The following GRM1 variants were observed in gnomAD, a reference collection of about 807,000 sequenced individuals.
GRM1 encodes glutamate metabotropic receptor 1, also known as metabotropic glutamate receptor 1.
In GRM1, 33 loss-of-function variants were observed where a neutral mutation model predicts 90.9. The observed-to-expected ratio is 0.36, with a 90% CI of 0.28 to 0.49. The LOEUF (loss-of-function observed/expected upper bound fraction) is 0.49, where lower values mean the gene tolerates loss of function less well. GRM1 is among the 20% of genes least tolerant of loss of function. The pLI is 0.99. For synonymous variants in GRM1, 700 were observed against 613.2 expected (o/e 1.14, Z -2.09); for missense variants, 1,190 against 1,534.3 (o/e 0.78, Z 3.75).
At chr6:146,392,741 T>G (rs1404780376) in intron 6 of GRM1, among the ~76,000 whole-genome samples, 1 of 152,146 alleles carries the variant, frequency 6.6e-6, no homozygotes, top group Non-Finnish European at 1.5e-5. Context: ...TATGCCCATA[T>G]GTTCTCATTG....
chr6:146,405,273 C>T (rs377585727), intron 7 of GRM1, among the ~76,000 whole-genome samples: 66 of 151,956 alleles, frequency 4.3e-4, no homozygotes, highest in African/African-American at 1.5e-3. Flanking sequence ...ATTTAAAGTG[C>T]CCAAGAGGGT....
Position 146,362,924 on chromosome 6 carries a change from G to A in GRM1, c.1602+5230G>A, listed in dbSNP as rs1775544573. Among the ~76,000 whole-genome samples, 4 of 152,036 alleles carry A rather than the reference G, an allele frequency of 2.6e-5. No individual in the cohort carries two copies. The South Asian group carries it at 6.2e-4, about 24-fold the overall frequency. On this transcript the variant is annotated intron_variant, in intron 5 of 7. Transcript: ENST00000282753. ...CATGATCATTCTCATTACGACCTAA[G>A]ATACGCTTAAAAATGGATGGAACTA...
chr6:146,118,692 C>T (rs965107034), intron 1 of GRM1, among the ~76,000 whole-genome samples: 1 of 152,158 alleles, frequency 6.6e-6, no homozygotes, highest in African/African-American at 2.4e-5. Flanking sequence ...ACATGCGGTG[C>T]ATGGTTTTTG....
chr6:146,087,514 G>A (rs181302377), intron 1 of GRM1, among the ~76,000 whole-genome samples: 1 of 152,048 alleles, frequency 6.6e-6, no homozygotes, highest in East Asian at 1.9e-4. Context: ...GATTCATGTG[G>A]CCCTCACCAC....
intron 5 of GRM1, among the ~76,000 whole-genome samples, chr6:146,373,471 A>G (rs1407359148): frequency 6.6e-6 from 1 of 152,082 alleles, no homozygotes; most frequent in East Asian, 1.9e-4. Flanking sequence ...ATCGTGAGAC[A>G]GCACTAGGAG....
intron 1 of GRM1, among the ~76,000 whole-genome samples, chr6:146,037,643 T>G (rs1458236188): frequency 6.6e-6 from 1 of 151,946 alleles, no homozygotes; most frequent in Non-Finnish European, 1.5e-5. Context: ...CCTCTTAATG[T>G]CAGCTCTTAC....
intron 2 of GRM1, among the ~76,000 whole-genome samples, chr6:146,285,471 C>T (rs1782727221): frequency 6.6e-6 from 1 of 152,156 alleles, no homozygotes; most frequent in African/African-American, 2.4e-5. Flanking sequence ...TCTGGTTTTG[C>T]TTCCACACAC....
At chr6:146,203,422 AG>A (rs1217178632) in intron 2 of GRM1, among the ~76,000 whole-genome samples, 1 of 152,084 alleles carries the variant, frequency 6.6e-6, no homozygotes. Flanking sequence ...TAGCAGACAT[AG>A]AAAAGTGAAT....
At chr6:146,238,651 T>C (rs1181018072) in intron 2 of GRM1, among the ~76,000 whole-genome samples, 3 of 152,150 alleles carry the variant, frequency 2.0e-5, no homozygotes, top group African/African-American at 7.2e-5. Context: ...CCTTAATTAT[T>C]CCTGTTGGGA....
chr6:146,322,038 C>T (rs990757825), intron 3 of GRM1, among the ~76,000 whole-genome samples: 1 of 152,102 alleles, frequency 6.6e-6, no homozygotes, highest in Admixed American at 6.5e-5. Context: ...ATGGATTTAT[C>T]TACCTTTGGT....
chr6:146,051,358 T>G (rs1775282714), intron 1 of GRM1, among the ~76,000 whole-genome samples: 3 of 152,042 alleles, frequency 2.0e-5, no homozygotes, highest in Admixed American at 2.0e-4. Context: ...TGGAAGTGAC[T>G]TCCCCTCCAT....
chr6:146,431,496 T>C (rs1177249326), intron 7 of GRM1, among the ~76,000 whole-genome samples: 1 of 152,158 alleles, frequency 6.6e-6, no homozygotes, highest in Non-Finnish European at 1.5e-5. Context: ...TTTTTGCTAT[T>C]ATGTGTAGAA....
chr6:146,231,978 GT>G (rs1267997645), intron 2 of GRM1, among the ~76,000 whole-genome samples: 1 of 152,110 alleles, frequency 6.6e-6, no homozygotes, highest in Non-Finnish European at 1.5e-5. Flanking sequence ...GGGAAAGTTA[GT>G]GTAGAATTGG....
chr6:146,076,292 G>T (rs1163988042), intron 1 of GRM1, among the ~76,000 whole-genome samples: 1 of 152,174 alleles, frequency 6.6e-6, no homozygotes, highest in Admixed American at 6.6e-5. Flanking sequence ...AAGTGGAATA[G>T]GGAGCTTTAG....
intron 1 of GRM1, among the ~76,000 whole-genome samples, chr6:146,094,951 T>G (rs10457796): frequency 0.38 from 58,269 of 151,866 alleles, 11,744 homozygotes; most frequent in Middle Eastern, 0.52. Flanking sequence ...CAAAATAAAA[T>G]GCTATTAGTG....
At chr6:146,162,285 G>A (rs1282506165) in intron 2 of GRM1, among the ~76,000 whole-genome samples, 1 of 152,162 alleles carries the variant, frequency 6.6e-6, no homozygotes, top group Non-Finnish European at 1.5e-5. Flanking sequence ...AAATCATGGT[G>A]TAGATAGCAG....
At chr6:146,270,781 T>C (rs927148462) in intron 2 of GRM1, among the ~76,000 whole-genome samples, 1 of 151,754 alleles carries the variant, frequency 6.6e-6, no homozygotes, top group African/African-American at 2.4e-5. Flanking sequence ...AATTGCAGAG[T>C]TTTTAATATT....
chr6:146,367,699 T>C (rs9403776), intron 5 of GRM1, among the ~76,000 whole-genome samples: 29,624 of 151,968 alleles, frequency 0.19, 3,766 homozygotes, highest in African/African-American at 0.37. Context: ...TTAGTTTGCT[T>C]AGGATGATGG....
At chr6:146,250,213 G>A (rs1781222148) in intron 2 of GRM1, among the ~76,000 whole-genome samples, 1 of 152,176 alleles carries the variant, frequency 6.6e-6, no homozygotes, top group Admixed American at 6.5e-5. Flanking sequence ...GGACTGTTGG[G>A]AAGGCATGAT....
Sources: gnomAD v4.1 joint callset for allele counts (sites outside exome capture counted in the v4.1 genomes callset) on GRCh38, gnomAD v4.1.1 for gene constraint, MANE v1.5 for transcripts, NCBI Gene and HGNC (gene_info 2026-07-23, HGNC 2026-07-21) for gene names.